LTBP4: variants seen among roughly 807,000 people sequenced by gnomAD.
LTBP4 encodes latent transforming growth factor beta binding protein 4, also known as latent-transforming growth factor beta-binding protein 4.
Under a neutral mutation model 180.2 loss-of-function variants are expected in LTBP4, and 93 were observed. The observed-to-expected ratio is 0.52, with a 90% CI of 0.44 to 0.61. The LOEUF (loss-of-function observed/expected upper bound fraction) is 0.61. LTBP4 is among the 20% of genes least tolerant of loss of function. The pLI, the probability that LTBP4 is intolerant of heterozygous loss-of-function variation, is 0.00. For synonymous variants in LTBP4, 947 were observed against 934.5 expected, an observed-to-expected ratio of 1.01 and a Z score of -0.24; for missense variants, 2,116 against 2,256.5, an observed-to-expected ratio of 0.94 and a Z score of 1.26.
At chr19:40,604,956 G>T in intron 1 of LTBP4, 79 bp from the exon 2 acceptor site, 1 of 1,317,318 alleles carries the variant, frequency 7.6e-7, no homozygotes. Flanking sequence ...AGAAATGAAT[G>T]ATACCTTGAG....
In LTBP4 at chr19:40,611,854, C is replaced by G; in HGVS notation, c.2054-5C>G. On this transcript the variant is annotated splice_polypyrimidine_tract_variant and splice_region_variant and intron_variant, in intron 13 of 29. Transcript: ENST00000396819. The surrounding 1 kb of genome is among the most constrained non-coding windows in gnomAD (Gnocchi z 4.4). ...CCTCAGCCTCATTGGTCCCCTCTGC[C>G]CCAGATGTGGATGAGTGTGCCCGAA... 6.2e-7 allele frequency: 1 copy of G among 1,606,708 alleles called. No homozygotes were observed. The highest frequency in any genetic ancestry group is 8.5e-7 in the Non-Finnish European group (1 of 1,176,670).
At chr19:40,602,347 G>A (rs1040871698) in intron 1 of LTBP4, among the ~76,000 whole-genome samples, 4 of 150,920 alleles carry the variant, frequency 2.7e-5, no homozygotes, top group East Asian at 2.0e-4. Flanking sequence ...AGCCTTGGGG[G>A]TTCAGGTGAG....
chr19:40,617,508 G>T (rs1468849968), intron 21 of LTBP4, among the ~76,000 whole-genome samples: 1 of 152,046 alleles, frequency 6.6e-6, no homozygotes, highest in Admixed American at 6.6e-5. Flanking sequence ...GCCGGATCTG[G>T]TGGCAAATGC....
chr19:40,624,863 C>G lies in LTBP4; in HGVS notation c.3832+781C>G, dbSNP rs193151865. ...TGGATTTCTGTCTTTGGGGTTTTCT[C>G]TGAATTTCTGACACCCTCTGGATCT... On this transcript the variant is annotated intron_variant, in intron 26 of 29. Transcript: ENST00000396819. Among the ~76,000 whole-genome samples, 445 of 151,976 alleles carry G rather than the reference C, an allele frequency of 2.9e-3. 4 individuals carry two copies. Among genetic ancestry groups the G allele is most frequent in the African/African-American group, 0.01 (422 of 41,446 alleles).
chr19:40,605,041 G>A lies in LTBP4; in HGVS notation c.257G>A (p.Cys86Tyr), dbSNP rs2081448494. The change falls in exon 2 of 30, where the codon TGT becomes TAT. Residue 86 changes from cysteine to tyrosine, a missense_variant. This residue lies in a region of LTBP4 where 469 missense variants were observed against 532.5 expected (regional missense o/e 0.88). Coordinates refer to ENST00000396819, the MANE Select transcript of LTBP4 (RefSeq NM_001042545.2). The surrounding 1 kb of genome is among the most constrained non-coding windows in gnomAD (Gnocchi z 5.5). Reference protein sequence around the residue: ...PGGPGFRAFLCPLICHNGGVC... With the variant: ...PGGPGFRAFLYPLICHNGGVC... ...GTCCTCGTTCTCCTCCCAGTCCTGTGTCCCTTGATCTGTCACAATGGCGGT... is the reference window on the plus strand; with the variant it reads ...GTCCTCGTTCTCCTCCCAGTCCTGTATCCCTTGATCTGTCACAATGGCGGT... 1 of 1,612,042 alleles carries A rather than the reference G, an allele frequency of 6.2e-7. No individual in the cohort carries two copies. The highest frequency in any genetic ancestry group is 1.7e-5 in the Admixed American group (1 of 59,914).
chr19:40,626,284 C>G (rs1298118890), intron 27 of LTBP4, among the ~76,000 whole-genome samples: 1 of 152,114 alleles, frequency 6.6e-6, no homozygotes, highest in Non-Finnish European at 1.5e-5. Flanking sequence ...TGCTCAGCTC[C>G]TGGTCTCTAG....
intron 21 of LTBP4, among the ~76,000 whole-genome samples, chr19:40,619,126 T>C (rs1348540622): frequency 1.3e-5 from 2 of 151,962 alleles, no homozygotes; most frequent in African/African-American, 4.8e-5. Context: ...TGTGCCCACC[T>C]CTCAGAGTAG....
chr19:40,619,528 T>A (rs758806123), intron 22 of LTBP4, 35 bp downstream of exon 22: 267 of 1,564,800 alleles, frequency 1.7e-4, no homozygotes, highest in Non-Finnish European at 2.3e-4. Flanking sequence ...TGATGGCGGC[T>A]GGCCCCATGG....
chr19:40,614,495 G>A (rs770670009), intron 19 of LTBP4, 49 bp downstream of exon 19: 6 of 1,573,632 alleles, frequency 3.8e-6, no homozygotes, highest in Non-Finnish European at 4.3e-6. Context: ...CGCGGTGCTG[G>A]AGGCTGCTCC....
In LTBP4 at chr19:40,610,638, G is replaced by A. The variant is rs369912263; in HGVS notation, c.1791G>A (p.Pro597=). 30 of 1,583,264 alleles carry A rather than the reference G, an allele frequency of 1.9e-5. 1 individual carries two copies. The African/African-American group carries it at 3.7e-4, about 20-fold the overall frequency. Residue 597 remains proline, a synonymous_variant, in exon 12 of 30, where the codon CCG becomes CCA. Transcript: ENST00000396819. ...CVCPAGYQAA[P]HGASCQDVDE... is the part of the protein sequence containing the mutation. ...GCCCCGCCGGGTACCAGGCTGCACC[G>A]CACGGAGCCAGCTGCCAGGGTGAGG... is the stretch of plus-strand genomic sequence containing the variant.
chr19:40,612,926 C>T, intron 15 of LTBP4, 139 bp from the exon 16 acceptor site: 1 of 815,118 alleles, frequency 1.2e-6, no homozygotes, highest in Non-Finnish European at 2.0e-6. Flanking sequence ...GTCAGCCCTA[C>T]CCACCTCTGC....
At chr19:40,628,848 CT>C (rs368145623) in intron 29 of LTBP4, among the ~76,000 whole-genome samples, 1 of 148,902 alleles carries the variant, frequency 6.7e-6, no homozygotes, top group Non-Finnish European at 1.5e-5. Context: ...TTTTTTTCTT[CT>C]TTTTTTTTTC....
chr19:40,622,803 G>A lies in LTBP4; in HGVS notation c.3484+136G>A. On this transcript the variant is annotated intron_variant, in intron 23 of 29. Transcript: ENST00000396819. This position sits in a 1 kb window ranked among gnomAD's most constrained non-coding sequence, Gnocchi z 5.1. ...CTGTCAGGGCAAGGGCGAGCTGCCA[G>A]GCAGGTGGGCATGGGCAGACATAAG... 2.1e-6 allele frequency: 3 copies of A among 1,402,512 alleles called. No homozygotes were observed. In the South Asian group the frequency reaches 4.1e-5, roughly 19 times the overall value. The allele number at this position is 1,402,512 out of a possible 1,614,324, so 86.9% of individuals were successfully genotyped here. A position where few individuals can be genotyped will look rare whatever the true frequency, so the allele number is the denominator to read the frequency against.
upstream of LTBP4, chr19:40,599,258 G>T (rs1468831673): frequency 6.2e-7 from 1 of 1,613,780 alleles, no homozygotes; most frequent in Non-Finnish European, 8.5e-7. Flanking sequence ...CATCCGAGGT[G>T]GGTTCTGGAA....
chr19:40,596,391 A>G (rs967927048), upstream of LTBP4, among the ~76,000 whole-genome samples: 1 of 152,010 alleles, frequency 6.6e-6, no homozygotes, highest in Non-Finnish European at 1.5e-5. Flanking sequence ...GAAAGTCTGC[A>G]ATTCTGGGTG....
upstream of LTBP4, chr19:40,599,581 CA>C: frequency 6.3e-7 from 1 of 1,593,764 alleles, no homozygotes; most frequent in Non-Finnish European, 8.5e-7. Context: ...CCTCCCCTAC[CA>C]AATCCTCCCT....
At position 40,605,820 on chromosome 19, in the gene LTBP4, C is replaced by G. The variant is rs2081457064; in HGVS notation, c.782C>G (p.Ser261Cys). ...AWGVHDCQLC[S>C]ERLGNSERVS... Reference sequence around the variant, plus strand: ...GGCGTTCACGACTGTCAGCTGTGCTCCGAGCGCCTGGGTAAGCCCCAGGAC... The same window carrying G: ...GGCGTTCACGACTGTCAGCTGTGCTGCGAGCGCCTGGGTAAGCCCCAGGAC... The change falls in exon 4 of 30, where the codon TCC becomes TGC. Residue 261 changes from serine to cysteine, a missense_variant. Around this residue, in one of 5 missense-constraint regions of LTBP4, gnomAD observed 469 missense variants for 532.5 expected, o/e 0.88. Coordinates refer to ENST00000396819, the MANE Select transcript of LTBP4 (RefSeq NM_001042545.2). This position sits in a 1 kb window ranked among gnomAD's most constrained non-coding sequence, Gnocchi z 5.5. 1 of 1,538,322 alleles carries G rather than the reference C, an allele frequency of 6.5e-7. No homozygotes were observed. The highest frequency in any genetic ancestry group is 8.7e-7 in the Non-Finnish European group (1 of 1,146,704).
intron 1 of LTBP4, among the ~76,000 whole-genome samples, chr19:40,595,676 A>G (rs1012443291): frequency 6.6e-6 from 1 of 151,650 alleles, no homozygotes; most frequent in Non-Finnish European, 1.5e-5. Flanking sequence ...AGTGGTGGAG[A>G]CTCTTAGGCA....
rs909288990 is a variant in LTBP4, at chr19:40,609,001, A to G, written c.1426+398A>G. The G allele has an allele frequency of 4.9e-6, 1 of 202,602 alleles. No individual in the cohort carries two copies. Among genetic ancestry groups the G allele is most frequent in the Non-Finnish European group, 1.0e-5 (1 of 99,052 alleles). 12.6% of individuals were successfully genotyped at this position (202,602 alleles called of 1,614,324 possible). On this transcript the variant is annotated intron_variant, in intron 9 of 29. Transcript: ENST00000396819. This position sits in a 1 kb window ranked among gnomAD's most constrained non-coding sequence, Gnocchi z 4.9. ...CAAGGTGAAGATTCCAGGTTACAGC[A>G]AATAGGAATGGTATGGGCAGAGATA...
Sources: gnomAD v4.1 joint callset for allele counts (sites outside exome capture counted in the v4.1 genomes callset) on GRCh38, gnomAD v4.1.1 for gene constraint, gnomAD v4.1.1 regional missense constraint, Gnocchi (gnomAD v3.1) non-coding constraint, MANE v1.5 for transcripts, NCBI Gene and HGNC (gene_info 2026-07-23, HGNC 2026-07-21) for gene names.